The following STK25 variants were observed in gnomAD, a reference collection of about 807,000 sequenced individuals.
STK25 encodes serine/threonine kinase 25.
Under a neutral mutation model 53.8 loss-of-function variants are expected in STK25, and 29 were observed. That is an observed-to-expected ratio of 0.54 (90% CI 0.40 to 0.74). The LOEUF is 0.74. STK25 is among the 30% of genes least tolerant of loss of function. The pLI is 0.00. For synonymous variants in STK25, 247 were observed against 238.3 expected (o/e 1.04, Z -0.33); for missense variants, 420 against 568.0 (o/e 0.74, Z 2.65).
rs2065011287 is a variant in STK25, at chr2:241,493,589, A to G, written c.*2073T>C. ...GCTTCCAGCATTTCCAAAAAACAGC[A>G]ATGCTTTGTTTTTTTTTTTTTTGGA... On this transcript the variant is annotated 3_prime_UTR_variant, in exon 12 of 12. Coordinates refer to ENST00000316586, the MANE Select transcript of STK25 (RefSeq NM_001271977.2). 1.5e-6 allele frequency: 1 copy of G among 686,052 alleles called. No homozygotes were observed. The highest frequency in any genetic ancestry group is 2.4e-6 in the Non-Finnish European group (1 of 415,198). 42.5% of individuals were successfully genotyped at this position (686,052 alleles called of 1,614,324 possible). A position where few individuals can be genotyped will look rare whatever the true frequency, so the allele number is the denominator to read the frequency against.
At position 241,493,236 on chromosome 2, in the gene STK25, G is replaced by C; in HGVS notation, c.*2426C>G. Reference sequence around the variant, plus strand: ...ACCGTTGTGCAGGTAGCAGAGGAATGGGCATTCCCTGTGGCAACCCAGCCC... The same window carrying C: ...ACCGTTGTGCAGGTAGCAGAGGAATCGGCATTCCCTGTGGCAACCCAGCCC... On this transcript the variant is annotated 3_prime_UTR_variant, in exon 12 of 12. Transcript: ENST00000316586. 6.3e-7 allele frequency: 1 copy of C among 1,577,120 alleles called. No individual in the cohort carries two copies. The highest frequency in any genetic ancestry group is 8.7e-7 in the Non-Finnish European group (1 of 1,150,564).
At position 241,497,697 on chromosome 2, in the gene STK25, A is replaced by C. The variant is rs772484935; in HGVS notation, c.1033-10T>G. 6.2e-7 allele frequency: 1 copy of C among 1,613,094 alleles called. No individual in the cohort carries two copies. The highest frequency in any genetic ancestry group is 8.5e-7 in the Non-Finnish European group (1 of 1,179,868). On this transcript the variant is annotated splice_polypyrimidine_tract_variant and intron_variant, in intron 9 of 11. Transcript: ENST00000316586. Reference sequence around the variant, plus strand: ...TGACGGGCTCCGCAGGCTGCAAAGGAGTGGAGGCCCAGGGTGAGCAGGGCA... The same window carrying C: ...TGACGGGCTCCGCAGGCTGCAAAGGCGTGGAGGCCCAGGGTGAGCAGGGCA...
At chr2:241,508,880 T>G (rs905471443), upstream of STK25, among the ~76,000 whole-genome samples, 1 of 152,052 alleles carries the variant, frequency 6.6e-6, no homozygotes, top group African/African-American at 2.4e-5. Context: ...GCGGGTCTTC[T>G]GCGTTTGCTG....
chr2:241,499,931 C>G, intron 5 of STK25: 1 of 614,152 alleles, frequency 1.6e-6, no homozygotes, highest in Non-Finnish European at 3.0e-6. Flanking sequence ...CAACTCCAGC[C>G]AAGTGTGGCC....
At chr2:241,502,307 C>A (rs753706872) in intron 2 of STK25, among the ~76,000 whole-genome samples, 1 of 152,196 alleles carries the variant, frequency 6.6e-6, no homozygotes, top group Non-Finnish European at 1.5e-5. Context: ...GGTGATGACA[C>A]GGCATGAAGG....
chr2:241,501,727 G>GACAGAGGGCAA lies in STK25; in HGVS notation c.31-20_31-19insTTGCCCTCTGT. The GACAGAGGGCAA allele has an allele frequency of 6.3e-7, 1 of 1,597,888 alleles. No individual in the cohort carries two copies. Among genetic ancestry groups the GACAGAGGGCAA allele is most frequent in the Non-Finnish European group, 8.6e-7 (1 of 1,167,912 alleles). On this transcript the variant is annotated intron_variant, in intron 2 of 11. Coordinates refer to ENST00000316586, the MANE Select transcript of STK25 (RefSeq NM_001271977.2). This position sits in a 1 kb window ranked among gnomAD's most constrained non-coding sequence, Gnocchi z 5.3. Reference sequence around the variant, plus strand: ...GAGAGTGCTGTGGGGCCAGGGCGGGGACAGAGGGCAGACAGCGCCGGTCAC... The same window carrying GACAGAGGGCAA: ...GAGAGTGCTGTGGGGCCAGGGCGGGGACAGAGGGCAAACAGAGGGCAGACAGCGCCGGTCAC...
At position 241,498,222 on chromosome 2, in the gene STK25, G is replaced by C. The variant is rs1234998790; in HGVS notation, c.1032+13C>G. The C allele has an allele frequency of 6.2e-7, 1 of 1,611,314 alleles. No homozygotes were observed. The highest frequency in any genetic ancestry group is 1.7e-5 in the Admixed American group (1 of 60,010). On this transcript the variant is annotated intron_variant, in intron 9 of 11. Transcript: ENST00000316586. ...GGGGTGCACAGAGGGCAAAGGCCAG[G>C]CCAGGAACAGACCTTCTGTGAACTG...
At position 241,493,746 on chromosome 2, in the gene STK25, G is replaced by A. The variant is rs888502221; in HGVS notation, c.*1916C>T. 2.1e-6 allele frequency: 1 copy of A among 472,692 alleles called. No individual in the cohort carries two copies. The highest frequency in any genetic ancestry group is 3.5e-5 in the South Asian group (1 of 28,660). The allele number at this position is 472,692 out of a possible 1,614,324, so 29.3% of individuals were successfully genotyped here. A position where few individuals can be genotyped will look rare whatever the true frequency, so the allele number is the denominator to read the frequency against. On this transcript the variant is annotated 3_prime_UTR_variant, in exon 12 of 12. Coordinates refer to ENST00000316586, the MANE Select transcript of STK25 (RefSeq NM_001271977.2). ...AGTAACTGAGATTACAGGCATGCAC[G>A]CCACGCCGCCTGGCTAATTTTTGTA...
In STK25 at chr2:241,498,990, A is replaced by T. The variant is rs771658674; in HGVS notation, c.770T>A (p.Phe257Tyr). The change falls in exon 7 of 12, where the codon TTC becomes TAC. Residue 257 changes from phenylalanine (F) to tyrosine (Y), a missense_variant and splice_region_variant. Coordinates refer to ENST00000316586, the MANE Select transcript of STK25 (RefSeq NM_001271977.2). ...GACCGGGCCAGAGGCGGGCCTTACG[A>T]ATCGGGGGTCTTTGTTGAGGCAGGC... ...VEACLNKDPR[F>Y]RPTAKELLKH... 1 of 1,613,574 alleles carries T rather than the reference A, an allele frequency of 6.2e-7. No individual in the cohort carries two copies. Among genetic ancestry groups the T allele is most frequent in the African/African-American group, 1.3e-5 (1 of 74,912 alleles).
chr2:241,503,656 C>A (rs1331569961), intron 2 of STK25, among the ~76,000 whole-genome samples: 1 of 143,934 alleles, frequency 6.9e-6, no homozygotes, highest in Non-Finnish European at 1.5e-5. Flanking sequence ...GAGATCGTGC[C>A]ACTGCACTCC....
At chr2:241,505,683 C>T (rs375340301) in intron 2 of STK25, among the ~76,000 whole-genome samples, 82 of 152,296 alleles carry the variant, frequency 5.4e-4, no homozygotes, top group African/African-American at 1.7e-3. Flanking sequence ...GGGAGCACAG[C>T]GGACCCCTAA....
chr2:241,494,157 C>T lies in STK25; in HGVS notation c.*1505G>A. On this transcript the variant is annotated 3_prime_UTR_variant, in exon 12 of 12. Transcript: ENST00000316586. The surrounding 1 kb of genome is among the most constrained non-coding windows in gnomAD (Gnocchi z 4.9). The stretch of plus-strand genomic sequence containing the variant: ...ACCTGCCCAGGTTTGGACACAACTA[C>T]AAAGAACAGCAGGACACAGAGGTGA... 7.5e-7 allele frequency: 1 copy of T among 1,328,696 alleles called. No homozygotes were observed. Among genetic ancestry groups the T allele is most frequent in the Non-Finnish European group, 1.0e-6 (1 of 987,168 alleles). 82.3% of individuals were successfully genotyped at this position (1,328,696 alleles called of 1,614,324 possible). A position where few individuals can be genotyped will look rare whatever the true frequency, so the allele number is the denominator to read the frequency against.
At chr2:241,500,397 T>C in intron 4 of STK25, 116 bp from the exon 5 acceptor site, 1 of 700,584 alleles carries the variant, frequency 1.4e-6, no homozygotes, top group Non-Finnish European at 2.4e-6. Flanking sequence ...GGCTTCGTGT[T>C]CCTTTACTTC....
Position 241,493,889 on chromosome 2 carries a change from A to G in STK25, c.*1773T>C, listed in dbSNP as rs1461828285. ...TGGGATTATAGGCATGAGCCACCGC[A>G]CCCGGCCCCAGGTTTTTAACCCTTC... On this transcript the variant is annotated 3_prime_UTR_variant, in exon 12 of 12. Transcript: ENST00000316586. The G allele has an allele frequency of 4.9e-6, 3 of 609,010 alleles. No individual in the cohort carries two copies. 37.7% of individuals were successfully genotyped at this position (609,010 alleles called of 1,614,324 possible).
chr2:241,492,840 T>C lies in STK25; in HGVS notation c.*2822A>G, dbSNP rs1436167636. 2 of 742,808 alleles carry C rather than the reference T, an allele frequency of 2.7e-6. No individual in the cohort carries two copies. The highest frequency in any genetic ancestry group is 2.5e-5 in the East Asian group (1 of 40,234). 46.0% of individuals were successfully genotyped at this position (742,808 alleles called of 1,614,324 possible). On this transcript the variant is annotated 3_prime_UTR_variant, in exon 12 of 12. Coordinates refer to ENST00000316586, the MANE Select transcript of STK25 (RefSeq NM_001271977.2). The stretch of plus-strand genomic sequence containing the variant: ...ACCAAGGCCTCAGCTGGAGAAAGCA[T>C]GCAGAGGCTTAGTCTTGGGGAGCAA...
At chr2:241,503,916 T>C (rs1016421292) in intron 2 of STK25, 18 of 429,958 alleles carry the variant, frequency 4.2e-5, no homozygotes, top group African/African-American at 3.4e-4. Context: ...GCGGAGGAGC[T>C]GGCTGAAGCC....
intron 9 of STK25, 109 bp downstream of exon 9, chr2:241,498,126 G>A: frequency 9.4e-7 from 1 of 1,064,670 alleles, no homozygotes; most frequent in South Asian, 1.3e-5. Context: ...CCTTTCCCAA[G>A]CTCCTTGTCC....
intron 2 of STK25, among the ~76,000 whole-genome samples, chr2:241,505,955 G>C (rs2065798352): frequency 6.6e-6 from 1 of 152,250 alleles, no homozygotes; most frequent in African/African-American, 2.4e-5. Context: ...TTAGCCCTGG[G>C]GCTGCCAGGT....
chr2:241,501,450 AG>A lies in STK25; in HGVS notation c.261+27del. The A allele has an allele frequency of 6.2e-7, 1 of 1,601,932 alleles. No individual in the cohort carries two copies. Among genetic ancestry groups the A allele is most frequent in the Non-Finnish European group, 8.5e-7 (1 of 1,170,716 alleles). On this transcript the variant is annotated intron_variant, in intron 3 of 11. Transcript: ENST00000316586. The surrounding 1 kb of genome is among the most constrained non-coding windows in gnomAD (Gnocchi z 5.3). The stretch of plus-strand genomic sequence containing the variant: ...GAAGAGAGCCGGGCACAGCACCAGC[AG>A]GGTCCCCGCCTCCCCACAACAGGCA...
Sources: gnomAD v4.1 joint callset for allele counts (sites outside exome capture counted in the v4.1 genomes callset) on GRCh38, gnomAD v4.1.1 for gene constraint, Gnocchi (gnomAD v3.1) non-coding constraint, MANE v1.5 for transcripts, NCBI Gene and HGNC (gene_info 2026-07-23, HGNC 2026-07-21) for gene names.